The following TXLNG variants were observed in gnomAD, a reference collection of about 807,000 sequenced individuals.
TXLNG encodes taxilin gamma, also known as gamma-taxilin.
Under a neutral mutation model 38.8 loss-of-function variants are expected in TXLNG, and 5 were observed. The ratio of observed to expected loss-of-function variants is 0.13; its 90% CI spans 0.07 to 0.27. The LOEUF (loss-of-function observed/expected upper bound fraction) is 0.27. Ranked by LOEUF, TXLNG falls within the 10% of genes least tolerant of loss-of-function variation. TXLNG has a pLI of 1.00. For missense variants in TXLNG, 393 were observed against 398.2 expected (o/e 0.99, Z 0.11); for synonymous variants, 182 against 158.2 (o/e 1.15, Z -1.13).
In TXLNG at chrX:16,840,394, T is replaced by G. The variant is rs777308996; in HGVS notation, c.1248+478T>G. The G allele has an allele frequency of 1.2e-5, 9 of 742,817 alleles. No individual in the cohort carries two copies. In the South Asian group the frequency reaches 5.5e-4, roughly 46 times the overall value. The allele number at this position is 742,817 out of a possible 1,213,427, so 61.2% of individuals were successfully genotyped here. A position where few individuals can be genotyped will look rare whatever the true frequency, so the allele number is the denominator to read the frequency against. ...GCCTTTCTAGCTTGACTTATTAGGC[T>G]TTCAAAAAAAGCAACAAAGTACGTT... On this transcript the variant is annotated intron_variant, in intron 9 of 9. Transcript: ENST00000380122.
intron 1 of TXLNG, among the ~76,000 whole-genome samples, chrX:16,806,645 C>T (rs939097822): frequency 4.6e-5 from 5 of 109,831 alleles, no homozygotes; most frequent in Admixed American, 9.7e-5. Context: ...TGGCCGGGCG[C>T]GGTGGCTCAT....
rs185533810 is a variant in TXLNG at position 16,809,637 on chromosome X, C to G, written c.103-8937C>G. On this transcript the variant is annotated intron_variant, in intron 1 of 9. Transcript: ENST00000380122. ...AGGATTACAGGTGTGAGCCACCGCA[C>G]CAGGCCAAGATATTTTCTTCCAGTA... 2.6e-4 allele frequency among the ~76,000 whole-genome samples: 29 copies of G among 110,839 alleles called. No individual in the cohort carries two copies. In the East Asian group the frequency reaches 6.5e-3, roughly 25 times the overall value.
chrX:16,841,531 A>C lies in TXLNG; in HGVS notation c.1352A>C (p.Lys451Thr). 2 of 1,212,097 alleles carry C rather than the reference A, an allele frequency of 1.7e-6. No homozygotes were observed. Among genetic ancestry groups the C allele is most frequent in the Non-Finnish European group, 2.2e-6 (2 of 895,590 alleles). ...LQTERNELNE[K>T]VEVLKEQVSI... ...ACAGAAAGGAATGAGCTCAATGAGA[A>C]GGTGGAAGTCCTGAAAGAGCAGGTA... is the stretch of plus-strand genomic sequence containing the variant. Residue 451 changes from lysine to threonine, a missense_variant, in exon 10 of 10, where the codon AAG becomes ACG. Coordinates refer to ENST00000380122, the MANE Select transcript of TXLNG (RefSeq NM_018360.3).
intron 3 of TXLNG, among the ~76,000 whole-genome samples, chrX:16,826,319 T>G (rs1929164146): frequency 8.9e-6 from 1 of 112,125 alleles, no homozygotes; most frequent in Admixed American, 9.5e-5. Context: ...GTTTTTAATA[T>G]CTGTAAATGT....
intron 1 of TXLNG, among the ~76,000 whole-genome samples, chrX:16,812,158 C>A (rs1238831504): frequency 1.3e-5 from 1 of 76,661 alleles, no homozygotes; most frequent in Non-Finnish European, 2.5e-5. Flanking sequence ...CGCCCGCCAC[C>A]ACACCCAGCT....
intron 1 of TXLNG, among the ~76,000 whole-genome samples, chrX:16,793,114 T>A (rs956315323): frequency 2.3e-4 from 24 of 104,867 alleles, no homozygotes; most frequent in Middle Eastern, 4.9e-3. Flanking sequence ...AAAAAAAAAG[T>A]ATACAATAAT....
intron 1 of TXLNG, among the ~76,000 whole-genome samples, chrX:16,787,292 T>C (rs1291455442): frequency 1.8e-5 from 2 of 112,118 alleles, no homozygotes; most frequent in Non-Finnish European, 3.8e-5. Flanking sequence ...GGGGAGGCGA[T>C]GCTGGAGGAC....
chrX:16,810,996 A>T (rs147743456), intron 1 of TXLNG, among the ~76,000 whole-genome samples: 1 of 112,066 alleles, frequency 8.9e-6, no homozygotes, highest in East Asian at 2.8e-4. Flanking sequence ...GGTATTTTCT[A>T]TAACTTGTGT....
rs145877068 is a variant in TXLNG at position 16,816,292 on chromosome X, G to A, written c.103-2282G>A. 9.9e-5 allele frequency among the ~76,000 whole-genome samples: 11 copies of A among 111,049 alleles called. No individual in the cohort carries two copies. In the East Asian group the frequency reaches 3.1e-3, roughly 31 times the overall value. ...ATTACAGGCATGAGCCACCTTGCCC[G>A]GCCTATTAACAATTTTAAGAAGTTT... On this transcript the variant is annotated intron_variant, in intron 1 of 9. Coordinates refer to ENST00000380122, the MANE Select transcript of TXLNG (RefSeq NM_018360.3).
intron 1 of TXLNG, 87 bp downstream of exon 1, chrX:16,786,676 G>A (rs1329746093): frequency 1.8e-5 from 10 of 555,776 alleles, no homozygotes; most frequent in Admixed American, 7.7e-5. Context: ...TCTCTCCCTG[G>A]TTACCTATAG....
At position 16,834,293 on chromosome X, in the gene TXLNG, A is replaced by C; in HGVS notation, c.995A>C (p.Glu332Ala). Residue 332 changes from glutamate (E) to alanine (A), a missense_variant, in exon 7 of 10, where the codon GAA becomes GCA. Physicochemically the swap from Glu to Ala is moderately radical, Grantham distance 107. Coordinates refer to ENST00000380122, the MANE Select transcript of TXLNG (RefSeq NM_018360.3). ...HQREREFLLK[E>A]ATESRHKYEQ... ...GTTTCTGTTTTCTAGTTATTAAAAGAAGCGACAGAATCGAGGCACAAATAC... is the reference window on the plus strand; with the variant it reads ...GTTTCTGTTTTCTAGTTATTAAAAGCAGCGACAGAATCGAGGCACAAATAC... 8.3e-7 allele frequency: 1 copy of C among 1,208,015 alleles called. No homozygotes were observed. Among genetic ancestry groups the C allele is most frequent in the Non-Finnish European group, 1.1e-6 (1 of 893,775 alleles).
chrX:16,803,045 C>G (rs938709700), intron 1 of TXLNG, among the ~76,000 whole-genome samples: 1 of 110,448 alleles, frequency 9.1e-6, no homozygotes, highest in African/African-American at 3.3e-5. Flanking sequence ...GTCTTGAACT[C>G]CTGACCTCGT....
At chrX:16,795,974 G>A (rs1339773305) in intron 1 of TXLNG, among the ~76,000 whole-genome samples, 3 of 108,824 alleles carry the variant, frequency 2.8e-5, no homozygotes, top group African/African-American at 1.0e-4. Flanking sequence ...CACCGTGCCC[G>A]GCTAATTTTT....
At chrX:16,819,738 T>C (rs1928873697) in intron 2 of TXLNG, among the ~76,000 whole-genome samples, 1 of 112,287 alleles carries the variant, frequency 8.9e-6, no homozygotes, top group Admixed American at 9.5e-5. Flanking sequence ...CCTGTGATTA[T>C]GTGTGTCTTT....
intron 8 of TXLNG, chrX:16,839,440 A>G (rs1929712345): frequency 8.6e-6 from 1 of 115,688 alleles, no homozygotes; most frequent in South Asian, 3.7e-4. Context: ...GCATTTTTTC[A>G]TACAACTTAG....
In TXLNG at chrX:16,841,834, T is replaced by C; in HGVS notation, c.*68T>C. The C allele has an allele frequency of 9.2e-7, 1 of 1,089,126 alleles. No homozygotes were observed. Among genetic ancestry groups the C allele is most frequent in the South Asian group, 2.2e-5 (1 of 45,909 alleles). 89.8% of individuals were successfully genotyped at this position (1,089,126 alleles called of 1,213,427 possible). ...AACTTTCTCTGTTAGTAGTTAACTA[T>C]TGGTTTTGTGGTGAAAATTTTCTTA... On this transcript the variant is annotated 3_prime_UTR_variant, in exon 10 of 10. Coordinates refer to ENST00000380122, the MANE Select transcript of TXLNG (RefSeq NM_018360.3).
At chrX:16,834,488 G>A (rs1929522369) in intron 7 of TXLNG, 131 bp downstream of exon 7, 1 of 442,683 alleles carries the variant, frequency 2.3e-6, no homozygotes, top group Admixed American at 5.1e-5. Flanking sequence ...CCAGGACTGA[G>A]GCAGAAATCT....
chrX:16,796,836 C>T (rs1927906587), intron 1 of TXLNG, among the ~76,000 whole-genome samples: 1 of 111,124 alleles, frequency 9.0e-6, no homozygotes, highest in Non-Finnish European at 1.9e-5. Flanking sequence ...CCCACCACAA[C>T]CAGGACAGCA....
intron 5 of TXLNG, among the ~76,000 whole-genome samples, chrX:16,830,885 G>GTGTGTGTGTGTGTGTGTGTGTA (rs1440990242): frequency 3.4e-5 from 3 of 88,788 alleles, no homozygotes; most frequent in Non-Finnish European, 4.5e-5. Context: ...GTGTGTGTGT[G>GTGTGTGTGTGTGTGTGTGTGTA]TATAGAGACA....
Sources: gnomAD v4.1 joint callset for allele counts (sites outside exome capture counted in the v4.1 genomes callset) on GRCh38, gnomAD v4.1.1 for gene constraint, MANE v1.5 for transcripts, NCBI Gene and HGNC (gene_info 2026-07-23, HGNC 2026-07-21) for gene names.